The following KCNMA1 variants were observed in gnomAD, a reference collection of about 807,000 sequenced individuals.
The protein encoded by KCNMA1 is potassium calcium-activated channel subfamily M alpha 1, also known as Calcium-activated potassium channel subunit alpha-1.
In KCNMA1, 29 loss-of-function variants were observed where a neutral mutation model predicts 140.0. That is an observed-to-expected ratio of 0.21 (90% CI 0.15 to 0.28). The LOEUF is 0.28. Among genes scored for constraint, KCNMA1 ranks in the 10% least tolerant of loss-of-function variants. The pLI, the probability that KCNMA1 is intolerant of heterozygous loss-of-function variation, is 1.00. For missense variants in KCNMA1, 880 were observed against 1,602.2 expected (o/e 0.55, Z 7.70); for synonymous variants, 612 against 611.9 (o/e 1.00, Z 0.00).
At chr10:77,338,221 T>G (rs1416379954) in intron 2 of KCNMA1, among the ~76,000 whole-genome samples, 2 of 152,124 alleles carry the variant, frequency 1.3e-5, no homozygotes. Flanking sequence ...AGGGATACAC[T>G]GAAAATGCCA....
chr10:77,243,125 A>G (rs1358738434), intron 3 of KCNMA1, among the ~76,000 whole-genome samples: 1 of 152,140 alleles, frequency 6.6e-6, no homozygotes, highest in Non-Finnish European at 1.5e-5. Flanking sequence ...AAGGGGTAAA[A>G]GACAAGGAAG....
chr10:77,090,677 CA>C (rs1242617237), intron 9 of KCNMA1, 167 bp from the exon 10 acceptor site: 1 of 646,614 alleles, frequency 1.5e-6, no homozygotes, highest in African/African-American at 1.8e-5. Flanking sequence ...TGAGGCAAAG[CA>C]GCGGTGCTAG....
At chr10:77,392,243 G>A (rs2095860899) in intron 2 of KCNMA1, among the ~76,000 whole-genome samples, 1 of 134,306 alleles carries the variant, frequency 7.4e-6, no homozygotes, top group African/African-American at 2.9e-5. Flanking sequence ...AAGAAGGAAG[G>A]GAGAGAGGGA....
intron 2 of KCNMA1, among the ~76,000 whole-genome samples, chr10:77,288,464 C>T (rs1185261838): frequency 1.3e-5 from 2 of 152,180 alleles, no homozygotes; most frequent in African/African-American, 2.4e-5. Context: ...ATATAGAATC[C>T]TCAAAATTAA....
At chr10:77,128,073 A>G (rs2097779353) in intron 5 of KCNMA1, among the ~76,000 whole-genome samples, 1 of 152,126 alleles carries the variant, frequency 6.6e-6, no homozygotes, top group Admixed American at 6.5e-5. Context: ...ATCTTAACAA[A>G]TGAAGCTAAT....
intron 25 of KCNMA1, chr10:76,904,523 T>C (rs921762247): frequency 3.3e-5 from 5 of 152,202 alleles, no homozygotes; most frequent in African/African-American, 1.2e-4. Context: ...TGCTTTTTCT[T>C]TATTTTTCCA....
chr10:77,138,800 G>A (rs753340413), intron 5 of KCNMA1, among the ~76,000 whole-genome samples: 8 of 152,216 alleles, frequency 5.3e-5, no homozygotes, highest in Non-Finnish European at 1.2e-4. Context: ...TTCCCAGTTC[G>A]TCCTCAGCTC....
intron 2 of KCNMA1, among the ~76,000 whole-genome samples, chr10:77,347,968 C>T (rs1273834364): frequency 1.3e-5 from 2 of 152,180 alleles, no homozygotes; most frequent in Admixed American, 6.5e-5. Context: ...AGGTGACTTG[C>T]TCAAGGTCAC....
At chr10:76,914,896 C>A in intron 24 of KCNMA1, 40 bp downstream of exon 24, 1 of 1,409,852 alleles carries the variant, frequency 7.1e-7, no homozygotes. Context: ...GTTTGAAAGA[C>A]AGAACAAAAA....
chr10:77,365,048 GA>G (rs1426195713), intron 2 of KCNMA1, among the ~76,000 whole-genome samples: 1 of 152,188 alleles, frequency 6.6e-6, no homozygotes, highest in African/African-American at 2.4e-5. Context: ...GCATTTTAAT[GA>G]AGGATTGATT....
intron 23 of KCNMA1, among the ~76,000 whole-genome samples, chr10:76,941,926 G>A (rs1002327877): frequency 2.6e-5 from 4 of 152,114 alleles, no homozygotes; most frequent in African/African-American, 9.7e-5. Flanking sequence ...CAGAAGGGAC[G>A]AGGGGTCTCT....
intron 15 of KCNMA1, among the ~76,000 whole-genome samples, chr10:77,034,882 T>C (rs893358451): frequency 2.0e-5 from 3 of 152,188 alleles, no homozygotes; most frequent in Non-Finnish European, 4.4e-5. Flanking sequence ...ATTTTGCAAA[T>C]GATGAATGAC....
intron 19 of KCNMA1, chr10:76,979,445 TATTTTGACACCAATGTTA>T (rs2078729138): frequency 6.6e-6 from 1 of 151,848 alleles, no homozygotes. Context: ...TTTGCTTACA[TATTTTGACACCAATGTTA>T]CTTTCTTTTT....
intron 2 of KCNMA1, among the ~76,000 whole-genome samples, chr10:77,393,543 G>A (rs1250217937): frequency 6.6e-6 from 1 of 152,184 alleles, no homozygotes. Context: ...GAAGCCACTC[G>A]CCCAGGGTAA....
chr10:77,267,285 T>C (rs1186610958), intron 2 of KCNMA1, among the ~76,000 whole-genome samples: 4 of 152,144 alleles, frequency 2.6e-5, no homozygotes, highest in Non-Finnish European at 4.4e-5. Flanking sequence ...CTGAATTCAA[T>C]TGAGGGAGGA....
chr10:76,998,843 A>T (rs1301249712), intron 19 of KCNMA1, among the ~76,000 whole-genome samples: 4 of 152,236 alleles, frequency 2.6e-5, no homozygotes, highest in African/African-American at 9.6e-5. Context: ...AGAAGGGCTT[A>T]TGCAGGCCCA....
intron 3 of KCNMA1, among the ~76,000 whole-genome samples, chr10:77,189,169 C>T (rs892496765): frequency 6.6e-6 from 1 of 152,082 alleles, no homozygotes; most frequent in African/African-American, 2.4e-5. Flanking sequence ...GGGGATGCTG[C>T]TTATCTGGGA....
intron 2 of KCNMA1, among the ~76,000 whole-genome samples, chr10:77,360,146 T>G (rs1463517663): frequency 1.3e-5 from 2 of 152,242 alleles, no homozygotes; most frequent in Non-Finnish European, 2.9e-5. Flanking sequence ...ATCCCAGGCT[T>G]GAATGAGTGC....
At chr10:77,366,058 G>A (rs2094329876) in intron 2 of KCNMA1, among the ~76,000 whole-genome samples, 1 of 152,180 alleles carries the variant, frequency 6.6e-6, no homozygotes, top group Admixed American at 6.5e-5. Flanking sequence ...TGCAGCTGGA[G>A]TTAATTCCAA....
Sources: gnomAD v4.1 joint callset for allele counts (sites outside exome capture counted in the v4.1 genomes callset) on GRCh38, gnomAD v4.1.1 for gene constraint, MANE v1.5 for transcripts, NCBI Gene and HGNC (gene_info 2026-07-23, HGNC 2026-07-21) for gene names.